The following RAPGEF5 variants were observed in gnomAD, a reference collection of about 807,000 sequenced individuals.
RAPGEF5 encodes the protein Rap guanine nucleotide exchange factor 5, also known as M-Ras-regulated GEF.
A neutral mutation model predicts 125.2 loss-of-function variants in RAPGEF5; 65 were observed. The ratio of observed to expected loss-of-function variants is 0.52; its 90% CI spans 0.43 to 0.64. RAPGEF5 has a LOEUF of 0.64. Ranked by LOEUF, RAPGEF5 falls within the 30% of genes least tolerant of loss-of-function variation. The pLI is 0.00. For synonymous variants in RAPGEF5, 391 were observed against 385.9 expected (o/e 1.01, Z -0.16); for missense variants, 958 against 1,048.1 (o/e 0.91, Z 1.19).
At chr7:22,352,449 G>A (rs868168448) in intron 1 of RAPGEF5, among the ~76,000 whole-genome samples, 3 of 152,250 alleles carry the variant, frequency 2.0e-5, no homozygotes, top group Middle Eastern at 3.4e-3. Context: ...TGGGAAAATG[G>A]CTGATTTCAG....
chr7:22,120,729 G>A lies in RAPGEF5; in HGVS notation c.*1677C>T, dbSNP rs1782558379. On this transcript the variant is annotated 3_prime_UTR_variant, in exon 26 of 26. Coordinates refer to ENST00000665637, the MANE Select transcript of RAPGEF5 (RefSeq NM_012294.5). The surrounding 1 kb of genome is among the most constrained non-coding windows in gnomAD (Gnocchi z 4.0). ...TGCCCTTCTATAAAACCCTATAAAT[G>A]TTCAGGACTGAAGTTTTACATGCTG... is the stretch of plus-strand genomic sequence containing the variant. 6.6e-6 allele frequency: 1 copy of A among 152,198 alleles called. No homozygotes were observed. The highest frequency in any genetic ancestry group is 2.4e-5 in the African/African-American group (1 of 41,398). 9.4% of individuals were successfully genotyped at this position (152,198 alleles called of 1,614,324 possible). A position where few individuals can be genotyped will look rare whatever the true frequency, so the allele number is the denominator to read the frequency against.
chr7:22,277,871 A>T (rs1782594063), intron 6 of RAPGEF5, among the ~76,000 whole-genome samples: 1 of 152,192 alleles, frequency 6.6e-6, no homozygotes, highest in South Asian at 2.1e-4. Context: ...CAGAGTCCAC[A>T]CAGACAATCT....
intron 5 of RAPGEF5, among the ~76,000 whole-genome samples, chr7:22,294,979 A>G (rs1562513818): frequency 6.6e-6 from 1 of 152,246 alleles, no homozygotes; most frequent in African/African-American, 2.4e-5. Flanking sequence ...GATTAGCACA[A>G]TCAAATTTAT....
intron 5 of RAPGEF5, among the ~76,000 whole-genome samples, chr7:22,303,011 C>A (rs184718010): frequency 1.6e-3 from 250 of 152,230 alleles, no homozygotes; most frequent in Non-Finnish European, 2.4e-3. Context: ...AAAGCCCTAC[C>A]CACTCCCACC....
At chr7:22,125,416 C>A in intron 25 of RAPGEF5, 188 bp downstream of exon 25, 3 of 551,052 alleles carry the variant, frequency 5.4e-6, no homozygotes, top group Non-Finnish European at 9.7e-6. Context: ...CATATCTTGT[C>A]TTCCTCTGCA....
chr7:22,347,907 G>A (rs752739130), intron 1 of RAPGEF5, among the ~76,000 whole-genome samples: 4 of 152,240 alleles, frequency 2.6e-5, no homozygotes, highest in African/African-American at 4.8e-5. Context: ...AGGGCTTACC[G>A]AAGCATTTGC....
rs1314753946 is a variant in RAPGEF5 at position 22,266,963 on chromosome 7, C to T, written c.796+1G>A. 1.9e-6 allele frequency: 3 copies of T among 1,607,780 alleles called. No individual in the cohort carries two copies. The highest frequency in any genetic ancestry group is 1.7e-5 in the Admixed American group (1 of 59,956). On this transcript the variant is annotated splice_donor_variant, in intron 7 of 25. Transcript: ENST00000665637. LOFTEE classifies it high-confidence loss of function. ...CTCCAGCCCCATAAAAGATGACTTA[C>T]CAGACTTCCTTGCTTTCAAAGCAAT...
Position 22,311,555 on chromosome 7 carries a change from A to G in RAPGEF5, c.390-1465T>C, listed in dbSNP as rs1464551672. On this transcript the variant is annotated intron_variant, in intron 3 of 25. Transcript: ENST00000665637. ...AATAAAGTAGTAAACTTTTCTGCTG[A>G]GATATTTGATCAAACATCCCAGCTT... Among the ~76,000 whole-genome samples, 3 of 152,190 alleles carry G rather than the reference A, an allele frequency of 2.0e-5. No homozygotes were observed. In the East Asian group the frequency reaches 5.8e-4, roughly 29 times the overall value.
chr7:22,313,794 G>A (rs1478600128), intron 3 of RAPGEF5, among the ~76,000 whole-genome samples: 3 of 152,158 alleles, frequency 2.0e-5, no homozygotes, highest in Non-Finnish European at 4.4e-5. Flanking sequence ...TTTTTAAAAA[G>A]GAGAAGTCAG....
At position 22,136,938 on chromosome 7, in the gene RAPGEF5, A is replaced by T. The variant is rs746200142; in HGVS notation, c.2323T>A (p.Leu775Ile). The T allele has an allele frequency of 1.3e-4, 209 of 1,583,206 alleles. No homozygotes were observed. The highest frequency in any genetic ancestry group is 1.7e-4 in the Non-Finnish European group (199 of 1,158,884). Residue 775 changes from leucine to isoleucine, a missense_variant, in exon 22 of 26, where the codon TTA becomes ATA. Leu to Ile is a conservative substitution (Grantham distance 5). Coordinates refer to ENST00000665637, the MANE Select transcript of RAPGEF5 (RefSeq NM_012294.5). ...FKKLFSELES[L>I]TDPSLNHKAY... ...CCTTTGGCTCAACTACTTACTGTTA[A>T]ACTTTCAAGTTCAGAGAAAAGTTTC... is the stretch of plus-strand genomic sequence containing the variant.
intron 7 of RAPGEF5, among the ~76,000 whole-genome samples, chr7:22,259,379 C>T (rs1782090576): frequency 6.6e-6 from 1 of 152,170 alleles, no homozygotes; most frequent in African/African-American, 2.4e-5. Flanking sequence ...GGATGTGGAG[C>T]AAGAGGACCT....
intron 7 of RAPGEF5, among the ~76,000 whole-genome samples, chr7:22,244,210 A>ATG (rs1491067075): frequency 1.3e-5 from 2 of 151,838 alleles, no homozygotes; most frequent in Non-Finnish European, 2.9e-5. Context: ...GTGTATATAC[A>ATG]TATATATATA....
rs879262458 is a variant in RAPGEF5, at chr7:22,314,852, T to C, written c.389+518A>G. 5.9e-5 allele frequency among the ~76,000 whole-genome samples: 9 copies of C among 152,302 alleles called. No homozygotes were observed. The South Asian group carries it at 8.3e-4, about 14-fold the overall frequency. On this transcript the variant is annotated intron_variant, in intron 3 of 25. Transcript: ENST00000665637. ...CCTTGGTCCAGCTGTACTTTAAAAC[T>C]GGCCATTTACCTACCTGTTTACTCT...
intron 1 of RAPGEF5, among the ~76,000 whole-genome samples, chr7:22,326,764 A>G (rs1195410820): frequency 2.0e-5 from 3 of 152,220 alleles, no homozygotes; most frequent in Non-Finnish European, 4.4e-5. Context: ...TAAAGGGTAC[A>G]AAGTTCTAAT....
In RAPGEF5 at chr7:22,219,961, C is replaced by G. The variant is rs773782463; in HGVS notation, c.901G>C (p.Asp301His). 6.2e-7 allele frequency: 1 copy of G among 1,613,522 alleles called. No homozygotes were observed. The highest frequency in any genetic ancestry group is 8.5e-7 in the Non-Finnish European group (1 of 1,179,690). The stretch of plus-strand genomic sequence containing the variant: ...ACTAGTTCAATTCGTCCGATTTCAT[C>G]TCTTTCCTGGAGCTTGCACATCACC... ...AGVMCKLQERDEIGRIELVQK... is the reference protein window; with the variant it reads ...AGVMCKLQERHEIGRIELVQK... The change falls in exon 9 of 26, where the codon GAT becomes CAT. Residue 301 changes from aspartate (D) to histidine (H), a missense_variant. Coordinates refer to ENST00000665637, the MANE Select transcript of RAPGEF5 (RefSeq NM_012294.5).
intron 12 of RAPGEF5, among the ~76,000 whole-genome samples, chr7:22,164,060 ATGG>A (rs1202935768): frequency 6.6e-6 from 1 of 152,184 alleles, no homozygotes; most frequent in East Asian, 1.9e-4. Flanking sequence ...TAGGCCAACC[ATGG>A]TGGCTGATGC....
At chr7:22,248,601 A>T (rs1221209186) in intron 7 of RAPGEF5, among the ~76,000 whole-genome samples, 2 of 152,148 alleles carry the variant, frequency 1.3e-5, no homozygotes, top group Non-Finnish European at 2.9e-5. Context: ...TCCTAGCCAG[A>T]GATTATTGAT....
At chr7:22,333,211 T>G (rs1783955816) in intron 1 of RAPGEF5, among the ~76,000 whole-genome samples, 1 of 152,214 alleles carries the variant, frequency 6.6e-6, no homozygotes, top group African/African-American at 2.4e-5. Flanking sequence ...GATAAATATT[T>G]AAGTATTTAC....
intron 11 of RAPGEF5, among the ~76,000 whole-genome samples, chr7:22,172,295 G>A (rs910042899): frequency 1.3e-5 from 2 of 151,872 alleles, no homozygotes; most frequent in African/African-American, 4.8e-5. Flanking sequence ...GCTAATTTTT[G>A]TATTTTTAGT....
Sources: allele counts gnomAD v4.1 joint callset (sites outside exome capture counted in the v4.1 genomes callset), GRCh38; gene constraint gnomAD v4.1.1; non-coding constraint Gnocchi (gnomAD v3.1); transcripts MANE v1.5; gene names NCBI Gene and HGNC (gene_info 2026-07-23, HGNC 2026-07-21).